Variants in PIAS2 observed in about 807,000 individuals in gnomAD.
PIAS2 encodes the protein protein inhibitor of activated STAT 2.
A neutral mutation model predicts 69.7 loss-of-function variants in PIAS2; 19 were observed. That is an observed-to-expected ratio of 0.27 (90% CI 0.19 to 0.40). The LOEUF (loss-of-function observed/expected upper bound fraction) is 0.40. Among genes scored for constraint, PIAS2 ranks in the 10% least tolerant of loss-of-function variants. PIAS2 has a pLI of 1.00. For synonymous variants in PIAS2, 261 were observed against 263.2 expected, an observed-to-expected ratio of 0.99 and a Z score of 0.08; for missense variants, 624 against 757.0, an observed-to-expected ratio of 0.82 and a Z score of 2.06.
intron 3 of PIAS2, among the ~76,000 whole-genome samples, chr18:46,859,512 A>G (rs556448322): frequency 6.6e-6 from 1 of 152,218 alleles, no homozygotes; most frequent in South Asian, 2.1e-4. Flanking sequence ...CCTATCACAA[A>G]GAGGCCTCTG....
At chr18:46,816,455 A>G in intron 12 of PIAS2, 1 of 985,030 alleles carries the variant, frequency 1.0e-6, no homozygotes, top group Non-Finnish European at 1.2e-6. Flanking sequence ...AGCCTTTTTG[A>G]AAATTGTTGC....
chr18:46,912,424 A>G (rs1003096775), intron 1 of PIAS2, among the ~76,000 whole-genome samples: 1 of 152,230 alleles, frequency 6.6e-6, no homozygotes, highest in Non-Finnish European at 1.5e-5. Flanking sequence ...AAGTCTGTAC[A>G]TGTTCAGTAC....
intron 1 of PIAS2, among the ~76,000 whole-genome samples, chr18:46,903,255 G>C (rs2056147528): frequency 6.6e-6 from 1 of 150,924 alleles, no homozygotes; most frequent in Non-Finnish European, 1.5e-5. Context: ...CCCTTTAAAA[G>C]GAAAAAAAGA....
intron 1 of PIAS2, among the ~76,000 whole-genome samples, chr18:46,912,657 TATCTA>T (rs1433630845): frequency 5.9e-5 from 9 of 152,276 alleles, no homozygotes; most frequent in African/African-American, 1.9e-4. Flanking sequence ...CTAAATTTCT[TATCTA>T]GCAAAAAGTT....
At chr18:46,898,886 T>G (rs142127031) in intron 1 of PIAS2, among the ~76,000 whole-genome samples, 55 of 151,798 alleles carry the variant, frequency 3.6e-4, no homozygotes, top group Non-Finnish European at 6.9e-4. Context: ...TCCCAGCTAC[T>G]TGGGAGGCTG....
intron 12 of PIAS2, among the ~76,000 whole-genome samples, chr18:46,819,818 A>G (rs576230149): frequency 3.9e-5 from 6 of 152,144 alleles, no homozygotes; most frequent in Non-Finnish European, 8.8e-5. Context: ...AGCAATAGCT[A>G]TGGAGAGGGA....
intron 11 of PIAS2, chr18:46,827,710 A>T: frequency 2.8e-6 from 1 of 358,172 alleles, no homozygotes; most frequent in East Asian, 4.5e-5. Context: ...CAGGTTCAAG[A>T]AAATAACAAA....
intron 2 of PIAS2, among the ~76,000 whole-genome samples, chr18:46,864,567 TC>T (rs1447507088): frequency 1.3e-5 from 2 of 152,128 alleles, no homozygotes; most frequent in Non-Finnish European, 2.9e-5. Flanking sequence ...GGTCGCAAGT[TC>T]GAGACCAGCC....
At chr18:46,863,175 C>T (rs1275902647) in intron 3 of PIAS2, among the ~76,000 whole-genome samples, 1 of 152,062 alleles carries the variant, frequency 6.6e-6, no homozygotes, top group East Asian at 1.9e-4. Flanking sequence ...GCTCACTTTA[C>T]CCATAACTAC....
At chr18:46,859,588 C>T (rs1038095735) in intron 3 of PIAS2, among the ~76,000 whole-genome samples, 6 of 152,116 alleles carry the variant, frequency 3.9e-5, no homozygotes, top group South Asian at 4.1e-4. Context: ...AAGCAAAAAT[C>T]TCCTTGAGGC....
In PIAS2 at chr18:46,809,441, C is replaced by G. The variant is rs757645837; in HGVS notation, c.*2992G>C. 6.6e-6 allele frequency: 1 copy of G among 152,150 alleles called. No individual in the cohort carries two copies. Among genetic ancestry groups the G allele is most frequent in the Admixed American group, 6.5e-5 (1 of 15,286 alleles). The allele number at this position is 152,150 out of a possible 1,614,324, so 9.4% of individuals were successfully genotyped here. ...AGAACAAGAAAAGGCCTTCATAGTT[C>G]TAAGTGAAGAAAGATAAAAACATTT... On this transcript the variant is annotated 3_prime_UTR_variant, in exon 14 of 14. Transcript: ENST00000585916.
intron 9 of PIAS2, among the ~76,000 whole-genome samples, chr18:46,835,080 TTAG>T (rs2145074821): frequency 6.6e-6 from 1 of 152,214 alleles, no homozygotes; most frequent in African/African-American, 2.4e-5. Flanking sequence ...TATCAAGAAT[TTAG>T]TAAACACATC....
intron 2 of PIAS2, among the ~76,000 whole-genome samples, chr18:46,869,805 T>A (rs572086016): frequency 6.6e-6 from 1 of 152,300 alleles, no homozygotes; most frequent in Admixed American, 6.5e-5. Flanking sequence ...ATTGAATTTG[T>A]CAACTTCTAA....
chr18:46,886,624 G>C (rs1002555369), intron 2 of PIAS2, among the ~76,000 whole-genome samples: 3 of 152,108 alleles, frequency 2.0e-5, no homozygotes, highest in African/African-American at 7.2e-5. Context: ...GATCACCTCA[G>C]GTCAGAAGTT....
intron 1 of PIAS2, among the ~76,000 whole-genome samples, chr18:46,912,110 A>G (rs1359240649): frequency 1.3e-5 from 2 of 152,102 alleles, no homozygotes; most frequent in Non-Finnish European, 2.9e-5. Flanking sequence ...AAACAAAGGC[A>G]AGGTTTGGCT....
chr18:46,911,520 T>C (rs746754181), intron 1 of PIAS2, among the ~76,000 whole-genome samples: 2 of 152,252 alleles, frequency 1.3e-5, no homozygotes, highest in South Asian at 4.2e-4. Flanking sequence ...CCGGCTGACT[T>C]TGTTATATTT....
chr18:46,855,620 T>C lies in PIAS2; in HGVS notation c.585-5A>G, dbSNP rs763580543. On this transcript the variant is annotated splice_polypyrimidine_tract_variant and splice_region_variant and intron_variant, in intron 3 of 13. Coordinates refer to ENST00000585916, the MANE Select transcript of PIAS2 (RefSeq NM_004671.5). ...CTACCACCTGGCAAAAAATCCCTGTTGGAAAGAGAAAGAAAATGGGTTAAA... is the reference window on the plus strand; with the variant it reads ...CTACCACCTGGCAAAAAATCCCTGTCGGAAAGAGAAAGAAAATGGGTTAAA... 2 of 1,610,952 alleles carry C rather than the reference T, an allele frequency of 1.2e-6. No homozygotes were observed. The highest frequency in any genetic ancestry group is 2.2e-5 in the East Asian group (1 of 44,818).
intron 2 of PIAS2, among the ~76,000 whole-genome samples, chr18:46,882,298 A>T (rs542778664): frequency 7.0e-4 from 107 of 152,278 alleles, no homozygotes; most frequent in Non-Finnish European, 1.2e-3. Context: ...CAAGAATTTA[A>T]GGATAAAAAG....
intron 1 of PIAS2, among the ~76,000 whole-genome samples, chr18:46,897,828 T>C (rs1424869197): frequency 6.6e-6 from 1 of 152,070 alleles, no homozygotes; most frequent in Admixed American, 6.5e-5. Flanking sequence ...TTCTGTCATT[T>C]GACAGTATTC....
Sources: allele counts gnomAD v4.1 joint callset (sites outside exome capture counted in the v4.1 genomes callset), GRCh38; gene constraint gnomAD v4.1.1; transcripts MANE v1.5; gene names NCBI Gene and HGNC (gene_info 2026-07-23, HGNC 2026-07-21).